Variants in ROBO2 observed in about 807,000 individuals in gnomAD.
The protein encoded by ROBO2 is roundabout homolog 2.
Under a neutral mutation model 160.8 loss-of-function variants are expected in ROBO2, and 53 were observed. The ratio of observed to expected loss-of-function variants is 0.33; its 90% CI spans 0.26 to 0.41. ROBO2 has a LOEUF of 0.41. Ranked by LOEUF, ROBO2 falls within the 10% of genes least tolerant of loss-of-function variation. ROBO2 has a pLI of 1.00. For missense variants in ROBO2, 1,577 were observed against 1,722.4 expected (o/e 0.92, Z 1.49); for synonymous variants, 664 against 611.7 (o/e 1.09, Z -1.26).
At chr3:76,201,147 ATCAGTCTTTATGCCACAACAGTCTTC>A (rs1702507486) in intron 2 of ROBO2, among the ~76,000 whole-genome samples, 1 of 152,178 alleles carries the variant, frequency 6.6e-6, no homozygotes, top group Non-Finnish European at 1.5e-5. Flanking sequence ...TTTTTTCTGA[ATCAGTCTTTATGCCACAACAGTCTTC>A]TCAGTTATTT....
intron 2 of ROBO2, among the ~76,000 whole-genome samples, chr3:77,211,494 C>G (rs2084151067): frequency 6.6e-6 from 1 of 152,120 alleles, no homozygotes; most frequent in African/African-American, 2.4e-5. Context: ...AGCCCTTTGT[C>G]AGATGAGTAG....
At position 77,522,771 on chromosome 3, in the gene ROBO2, A is replaced by C. The variant is rs750695643; in HGVS notation, c.807-4A>C. ...TTAATAAAACCAGTTCATTTTCTAC[A>C]CAGGTATGACATCAAAGACGATTAC... is the stretch of plus-strand genomic sequence containing the variant. On this transcript the variant is annotated splice_region_variant and splice_polypyrimidine_tract_variant and intron_variant, in intron 5 of 25. Transcript: ENST00000461745. 6.2e-7 allele frequency: 1 copy of C among 1,607,910 alleles called. No homozygotes were observed. The highest frequency in any genetic ancestry group is 1.3e-5 in the African/African-American group (1 of 74,520).
intron 2 of ROBO2, among the ~76,000 whole-genome samples, chr3:76,128,423 T>C (rs2106646768): frequency 6.6e-6 from 1 of 152,216 alleles, no homozygotes; most frequent in South Asian, 2.1e-4. Context: ...AATTCTTCCC[T>C]CTCAGACCAA....
At chr3:76,856,046 G>A (rs1356982255) in intron 2 of ROBO2, among the ~76,000 whole-genome samples, 1 of 152,162 alleles carries the variant, frequency 6.6e-6, no homozygotes, top group Non-Finnish European at 1.5e-5. Context: ...AGCTAGTCAG[G>A]TCTCTGTTGG....
intron 2 of ROBO2, among the ~76,000 whole-genome samples, chr3:77,263,305 G>T (rs2058900000): frequency 6.6e-6 from 1 of 151,998 alleles, no homozygotes; most frequent in Non-Finnish European, 1.5e-5. Flanking sequence ...TGTTACATAG[G>T]TAAACTTGTG....
At chr3:76,701,588 G>C (rs2093045389) in intron 2 of ROBO2, among the ~76,000 whole-genome samples, 1 of 151,914 alleles carries the variant, frequency 6.6e-6, no homozygotes, top group South Asian at 2.1e-4. Flanking sequence ...GCAATGATGG[G>C]CACATGTAGT....
At chr3:76,665,951 A>G (rs1238402059) in intron 2 of ROBO2, among the ~76,000 whole-genome samples, 8 of 122,034 alleles carry the variant, frequency 6.6e-5, no homozygotes, top group Non-Finnish European at 3.7e-5. Flanking sequence ...TATATTATAT[A>G]TAATATATAC....
intron 2 of ROBO2, among the ~76,000 whole-genome samples, chr3:76,905,288 G>T (rs2075521533): frequency 6.6e-6 from 1 of 152,070 alleles, no homozygotes; most frequent in Non-Finnish European, 1.5e-5. Flanking sequence ...TTATAATCGG[G>T]ATGAAATTAA....
rs77301189 is a variant in ROBO2 at position 76,949,543 on chromosome 3, A to T, written c.110-148471A>T. Among the ~76,000 whole-genome samples, 256 of 152,250 alleles carry T rather than the reference A, an allele frequency of 1.7e-3. 1 individual carries two copies. The highest frequency in any genetic ancestry group is 5.2e-3 in the African/African-American group (218 of 41,556). ...TTCTCCCCTATTTAAGGTGTCCAAG[A>T]CCGAAGGGCTTCTCCCCTGTTTCCG... On this transcript the variant is annotated intron_variant, in intron 2 of 26. Transcript: ENST00000487694.
At chr3:76,279,601 A>G (rs1576237559) in intron 2 of ROBO2, among the ~76,000 whole-genome samples, 2 of 151,954 alleles carry the variant, frequency 1.3e-5, no homozygotes, top group African/African-American at 4.8e-5. Flanking sequence ...TGTGTTCTTT[A>G]TGACCCACCT....
At chr3:77,500,974 G>C (rs2087511512) in intron 5 of ROBO2, among the ~76,000 whole-genome samples, 1 of 152,218 alleles carries the variant, frequency 6.6e-6, no homozygotes, top group East Asian at 1.9e-4. Flanking sequence ...TTAACTGACA[G>C]CTCTTGTGTG....
intron 2 of ROBO2, among the ~76,000 whole-genome samples, chr3:76,065,546 CT>C (rs2107919468): frequency 6.6e-6 from 1 of 151,838 alleles, no homozygotes; most frequent in African/African-American, 2.4e-5. Context: ...CATCAGAAAC[CT>C]AAAAAGCCTC....
At chr3:77,416,239 A>C (rs1190680245) in intron 2 of ROBO2, among the ~76,000 whole-genome samples, 1 of 152,198 alleles carries the variant, frequency 6.6e-6, no homozygotes, top group Non-Finnish European at 1.5e-5. Flanking sequence ...TCAGAATGAG[A>C]GAGTGCATGC....
intron 2 of ROBO2, among the ~76,000 whole-genome samples, chr3:77,460,757 C>G (rs2082156210): frequency 6.6e-6 from 1 of 152,150 alleles, no homozygotes; most frequent in Middle Eastern, 3.4e-3. Context: ...AAATATATAT[C>G]TAGCACTTAT....
intron 2 of ROBO2, among the ~76,000 whole-genome samples, chr3:77,461,768 G>A (rs1472045588): frequency 1.4e-5 from 2 of 147,820 alleles, no homozygotes; most frequent in East Asian, 4.0e-4. Context: ...TCTCTCTGTT[G>A]CCAGGCTGGA....
At chr3:75,914,602 A>G (rs1946731253) in intron 1 of ROBO2, among the ~76,000 whole-genome samples, 1 of 152,204 alleles carries the variant, frequency 6.6e-6, no homozygotes, top group South Asian at 2.1e-4. Context: ...AATTAACAAG[A>G]TTGATTATGA....
intron 2 of ROBO2, among the ~76,000 whole-genome samples, chr3:76,834,191 T>TCTC (rs1559575842): frequency 2.2e-5 from 3 of 137,542 alleles, no homozygotes; most frequent in Non-Finnish European, 4.6e-5. Context: ...CTCTCTCTCT[T>TCTC]TCTTTCTTTC....
At chr3:76,170,434 A>G (rs1336296673) in intron 2 of ROBO2, among the ~76,000 whole-genome samples, 2 of 152,198 alleles carry the variant, frequency 1.3e-5, no homozygotes, top group African/African-American at 4.8e-5. Context: ...TAGAAGCCCA[A>G]AACATACTGT....
chr3:76,467,868 ACT>A (rs1456626836), intron 2 of ROBO2, among the ~76,000 whole-genome samples: 1 of 151,888 alleles, frequency 6.6e-6, no homozygotes. Context: ...AGTTTTTTAG[ACT>A]CTATGTTTAC....
Sources: allele counts gnomAD v4.1 joint callset (sites outside exome capture counted in the v4.1 genomes callset), GRCh38; gene constraint gnomAD v4.1.1; transcripts MANE v1.5; gene names NCBI Gene and HGNC (gene_info 2026-07-23, HGNC 2026-07-21).